The following PPP1R12B variants were observed in gnomAD, a reference collection of about 807,000 sequenced individuals.
PPP1R12B encodes protein phosphatase 1 regulatory subunit 12B, also known as myosin phosphatase target subunit 2.
Under a neutral mutation model 126.1 loss-of-function variants are expected in PPP1R12B, and 76 were observed. The ratio of observed to expected loss-of-function variants is 0.60; its 90% CI spans 0.50 to 0.73. The LOEUF is 0.73. Among genes scored for constraint, PPP1R12B ranks in the 30% least tolerant of loss-of-function variants. The pLI is 0.00. For missense variants in PPP1R12B, 1,052 were observed against 1,205.1 expected (o/e 0.87, Z 1.88); for synonymous variants, 356 against 434.7 (o/e 0.82, Z 2.25).
intron 1 of PPP1R12B, among the ~76,000 whole-genome samples, chr1:202,362,551 A>T (rs1658396161): frequency 6.6e-6 from 1 of 151,970 alleles, no homozygotes; most frequent in East Asian, 1.9e-4. Flanking sequence ...AGCAGGCAAC[A>T]TCTTTATCAT....
rs1276523939 is a variant in PPP1R12B at position 202,540,169 on chromosome 1, A to G, written c.2491-18708A>G. Reference sequence around the variant, plus strand: ...CCTCTTTATATACCCGAAGTAAAGAATTCACTCGGAATAGGAAATCTCAGT... The same window carrying G: ...CCTCTTTATATACCCGAAGTAAAGAGTTCACTCGGAATAGGAAATCTCAGT... On this transcript the variant is annotated intron_variant, in intron 18 of 23. Transcript: ENST00000608999. The G allele has an allele frequency of 3.1e-6, 5 of 1,610,406 alleles. No homozygotes were observed. In the African/African-American group the frequency reaches 5.3e-5, roughly 17 times the overall value.
At chr1:202,481,550 A>AT (rs34730809) in intron 13 of PPP1R12B, among the ~76,000 whole-genome samples, 67,481 of 151,852 alleles carry the variant, frequency 0.44, 16,072 homozygotes, top group East Asian at 0.7. Context: ...AATAAAAAAA[A>AT]ATTGATGTTA....
In PPP1R12B at chr1:202,419,276, G is replaced by A. The variant is rs1164875152; in HGVS notation, c.422+2359G>A. Reference sequence around the variant, plus strand: ...GCTAATTTATTCTCAGTTTTTGAACGTATTTCATTTTCTTTCTTCCTCCCT... The same window carrying A: ...GCTAATTTATTCTCAGTTTTTGAACATATTTCATTTTCTTTCTTCCTCCCT... On this transcript the variant is annotated intron_variant, in intron 2 of 23. Transcript: ENST00000608999. The surrounding 1 kb of genome is among the most constrained non-coding windows in gnomAD (Gnocchi z 4.6). 6.6e-6 allele frequency among the ~76,000 whole-genome samples: 1 copy of A among 152,136 alleles called. No homozygotes were observed. The highest frequency in any genetic ancestry group is 1.9e-4 in the East Asian group (1 of 5,168).
chr1:202,478,037 A>G (rs1676894978), intron 13 of PPP1R12B, among the ~76,000 whole-genome samples: 2 of 152,176 alleles, frequency 1.3e-5, no homozygotes, highest in East Asian at 1.9e-4. Flanking sequence ...GTGAGACTGT[A>G]TCTGTCTTCT....
intron 13 of PPP1R12B, among the ~76,000 whole-genome samples, chr1:202,466,351 G>T (rs1483447299): frequency 6.6e-6 from 1 of 151,708 alleles, no homozygotes; most frequent in East Asian, 1.9e-4. Context: ...TTATAATGTT[G>T]ACTATTGCCT....
intron 13 of PPP1R12B, among the ~76,000 whole-genome samples, chr1:202,460,206 A>G (rs1400855287): frequency 1.3e-5 from 2 of 152,164 alleles, no homozygotes; most frequent in African/African-American, 4.8e-5. Context: ...AGAAATGGTT[A>G]AAAATAGTTT....
At position 202,430,822 on chromosome 1, in the gene PPP1R12B, A is replaced by G; in HGVS notation, c.1001+12A>G. 1.2e-6 allele frequency: 2 copies of G among 1,610,622 alleles called. No homozygotes were observed. The highest frequency in any genetic ancestry group is 1.7e-6 in the Non-Finnish European group (2 of 1,177,860). ...GGGTTCTTTAAGAAGTAAGACATTTAGGCTTGAGTAATGGGATGAGCTTTG... is the reference window on the plus strand; with the variant it reads ...GGGTTCTTTAAGAAGTAAGACATTTGGGCTTGAGTAATGGGATGAGCTTTG... On this transcript the variant is annotated intron_variant, in intron 7 of 23. Coordinates refer to ENST00000608999, the MANE Select transcript of PPP1R12B (RefSeq NM_002481.4).
chr1:202,438,155 G>T, intron 10 of PPP1R12B, 131 bp downstream of exon 10: 1 of 1,561,882 alleles, frequency 6.4e-7, no homozygotes, highest in Non-Finnish European at 8.6e-7. Flanking sequence ...TTTAAAGAGA[G>T]AGAGGCACAC....
chr1:202,373,833 A>G (rs1396593656), intron 1 of PPP1R12B, among the ~76,000 whole-genome samples: 7 of 152,198 alleles, frequency 4.6e-5, no homozygotes, highest in Non-Finnish European at 1.0e-4. Flanking sequence ...TACATAAAAC[A>G]CAAATGTATA....
chr1:202,473,716 C>T (rs952865577), intron 13 of PPP1R12B, among the ~76,000 whole-genome samples: 1 of 152,210 alleles, frequency 6.6e-6, no homozygotes, highest in Non-Finnish European at 1.5e-5. Context: ...AAGATTTTGC[C>T]TTCTTTCCCT....
intron 13 of PPP1R12B, among the ~76,000 whole-genome samples, chr1:202,485,790 C>T (rs1031093183): frequency 1.3e-5 from 2 of 152,218 alleles, no homozygotes; most frequent in South Asian, 4.2e-4. Context: ...TGTTTTGGTC[C>T]CTTTTTGTGG....
In PPP1R12B at chr1:202,446,511, G is replaced by A. The variant is rs1182177712; in HGVS notation, c.1668-2478G>A. On this transcript the variant is annotated intron_variant, in intron 12 of 23. Coordinates refer to ENST00000608999, the MANE Select transcript of PPP1R12B (RefSeq NM_002481.4). ...CCTGACCTCATGATCCGCCCACTTC[G>A]GCCTCCCAAAGTGCTAAGATTACAG... 4.1e-5 allele frequency among the ~76,000 whole-genome samples: 6 copies of A among 148,130 alleles called. No individual in the cohort carries two copies. In the South Asian group the frequency reaches 6.3e-4, roughly 16 times the overall value.
At chr1:202,417,056 A>G in intron 2 of PPP1R12B, 139 bp downstream of exon 2, 2 of 1,157,646 alleles carry the variant, frequency 1.7e-6, no homozygotes, top group Non-Finnish European at 2.3e-6. Context: ...AAGTTGAATT[A>G]TCTTTAAGCC....
At chr1:202,469,056 T>A (rs1381768620) in intron 13 of PPP1R12B, among the ~76,000 whole-genome samples, 1 of 152,198 alleles carries the variant, frequency 6.6e-6, no homozygotes, top group East Asian at 1.9e-4. Flanking sequence ...GGAATTAGGG[T>A]CAACTCTAAA....
In PPP1R12B at chr1:202,562,818, T is replaced by TA. The variant is rs1459228731; in HGVS notation, c.2549dup (p.Tyr850Ter). The change falls in exon 20 of 24, where the codon TAC (tyrosine) becomes TAAC (stop). Residue 850 changes from tyrosine (Y) to a stop codon, truncating the protein, a stop_gained and frameshift_variant. Transcript: ENST00000608999. LOFTEE classifies it high-confidence loss of function. ...TAGTAATCCTACAACCAGTGATTCT[T>TA]ACGGTGACCGGGCTTCAGCAAGAGC... ...GGSNPTTSDS[Y>*]GDRASARARR... The TA allele has an allele frequency of 1.9e-6, 3 of 1,613,292 alleles. No individual in the cohort carries two copies. The highest frequency in any genetic ancestry group is 1.7e-5 in the Admixed American group (1 of 59,882).
rs1436751905 is a variant in PPP1R12B, at chr1:202,495,399, G to T, written c.2252G>T (p.Trp751Leu). 3 of 1,611,610 alleles carry T rather than the reference G, an allele frequency of 1.9e-6. No individual in the cohort carries two copies. The highest frequency in any genetic ancestry group is 3.3e-5 in the Admixed American group (2 of 59,830). ...CTCTACACCAGTTCCCACCTGCTAT[G>T]GACAAATAGATTTTCAGTCCCTGAT... ...PSLYTSSHLL[W>L]TNRFSVPDSE... is the part of the protein sequence containing the mutation. Residue 751 changes from tryptophan to leucine, a missense_variant, in exon 16 of 24, where the codon TGG becomes TTG. By Grantham distance (61) the Trp-to-Leu change is moderately conservative (BLOSUM62 -2). Transcript: ENST00000608999.
chr1:202,368,222 C>A (rs552160807), intron 1 of PPP1R12B, among the ~76,000 whole-genome samples: 7 of 152,204 alleles, frequency 4.6e-5, no homozygotes, highest in African/African-American at 1.7e-4. Context: ...CTGCCTCCCT[C>A]GGCCTCCCAA....
intron 18 of PPP1R12B, among the ~76,000 whole-genome samples, chr1:202,537,655 C>T (rs1261989038): frequency 1.3e-5 from 2 of 152,208 alleles, no homozygotes; most frequent in Non-Finnish European, 2.9e-5. Flanking sequence ...TACATTCCCT[C>T]TCTAATTGCC....
chr1:202,479,405 C>G (rs1677063736), intron 13 of PPP1R12B, among the ~76,000 whole-genome samples: 1 of 152,074 alleles, frequency 6.6e-6, no homozygotes. Flanking sequence ...GATCAAGATC[C>G]TGGAGAGAAG....
Sources: allele counts gnomAD v4.1 joint callset (sites outside exome capture counted in the v4.1 genomes callset), GRCh38; gene constraint gnomAD v4.1.1; non-coding constraint Gnocchi (gnomAD v3.1); transcripts MANE v1.5; gene names NCBI Gene and HGNC (gene_info 2026-07-23, HGNC 2026-07-21).